Variants in BOP1 observed in about 807,000 individuals in gnomAD.
The protein encoded by BOP1 is ribosome biogenesis protein BOP1.
BOP1 carries 54 observed loss-of-function variants against 82.9 expected under a neutral mutation model. The observed-to-expected ratio is 0.65, with a 90% CI of 0.52 to 0.82. The LOEUF is 0.82. BOP1 is among the 40% of genes least tolerant of loss of function. The pLI is 0.00. For missense variants in BOP1, 1,170 were observed against 1,072.0 expected (o/e 1.09, Z -1.28); for synonymous variants, 566 against 451.1 (o/e 1.25, Z -3.23).
chr8:144,283,059 G>A (rs534014764), intron 2 of BOP1, among the ~76,000 whole-genome samples: 2 of 151,396 alleles, frequency 1.3e-5, no homozygotes, highest in South Asian at 2.1e-4. Context: ...TTACCCGAGC[G>A]TGGTGGCTGG....
chr8:144,277,964 C>T (rs1338817058), intron 2 of BOP1, among the ~76,000 whole-genome samples: 4 of 152,306 alleles, frequency 2.6e-5, no homozygotes, highest in Non-Finnish European at 4.4e-5. Flanking sequence ...ACACAGACAA[C>T]GGAACATGAG....
chr8:144,273,153 G>T (rs1264584743), intron 3 of BOP1, among the ~76,000 whole-genome samples: 1 of 152,168 alleles, frequency 6.6e-6, no homozygotes, highest in African/African-American at 2.4e-5. Context: ...GAGTGCGCGG[G>T]GCCAGGACGC....
intron 2 of BOP1, among the ~76,000 whole-genome samples, chr8:144,284,066 G>A (rs1564603094): frequency 6.6e-6 from 1 of 152,110 alleles, no homozygotes; most frequent in Admixed American, 6.5e-5. Context: ...GCAGTGAGCC[G>A]AGATTGCACC....
intron 3 of BOP1, among the ~76,000 whole-genome samples, chr8:144,274,739 C>T (rs1413139031): frequency 6.6e-6 from 1 of 152,248 alleles, no homozygotes; most frequent in East Asian, 1.9e-4. Context: ...CGGCAGGCGG[C>T]GGTGGCACTG....
rs1845594873 is a variant in BOP1, at chr8:144,277,870, G to A, written c.310-1566C>T. On this transcript the variant is annotated intron_variant, in intron 2 of 15. Coordinates refer to ENST00000569669, the MANE Select transcript of BOP1 (RefSeq NM_015201.5). ...CTGCCTGACCTAGAAGGCCCCTTCA[G>A]ATTTTGGAGGCAGATGCTGTGGGGC... Among the ~76,000 whole-genome samples, 10 of 152,386 alleles carry A rather than the reference G, an allele frequency of 6.6e-5. No individual in the cohort carries two copies. In the South Asian group the frequency reaches 2.1e-3, roughly 32 times the overall value.
Position 144,276,807 on chromosome 8 carries a change from C to T in BOP1, c.310-503G>A, listed in dbSNP as rs1048617165. 5.3e-5 allele frequency among the ~76,000 whole-genome samples: 8 copies of T among 152,288 alleles called. No individual in the cohort carries two copies. The South Asian group carries it at 8.3e-4, about 16-fold the overall frequency. The stretch of plus-strand genomic sequence containing the variant: ...ACTGGGGCCAATGCTCTTGAAGGGG[C>T]GGGGGACACACATTGTCCACCCATC... On this transcript the variant is annotated intron_variant, in intron 2 of 15. Coordinates refer to ENST00000569669, the MANE Select transcript of BOP1 (RefSeq NM_015201.5).
At chr8:144,277,783 G>T (rs145168283) in intron 2 of BOP1, among the ~76,000 whole-genome samples, 1 of 152,258 alleles carries the variant, frequency 6.6e-6, no homozygotes, top group Non-Finnish European at 1.5e-5. Context: ...CAGGCCCAGC[G>T]CCCGAAGGGC....
rs111418604 is a variant in BOP1, at chr8:144,281,046, A to T, written c.310-4742T>A. Among the ~76,000 whole-genome samples, 51 of 48,998 alleles carry T rather than the reference A, an allele frequency of 1.0e-3. 1 individual carries two copies. The highest frequency in any genetic ancestry group is 3.1e-3 in the East Asian group (7 of 2,268). The allele number at this position is 48,998 out of a possible 152,430, so 32.1% of individuals were successfully genotyped here. A position where few individuals can be genotyped will look rare whatever the true frequency, so the allele number is the denominator to read the frequency against. On this transcript the variant is annotated intron_variant, in intron 2 of 15. Transcript: ENST00000569669. ...TTCTCTCACTTTAATACCAGGTCTT[A>T]GGCCTTCTCTCACTTTCATACCAGG...
intron 3 of BOP1, chr8:144,268,181 G>T (rs1845424600): frequency 2.6e-6 from 4 of 1,549,054 alleles, no homozygotes. Flanking sequence ...ACGCTGCTGG[G>T]GGAGGTGGAC....
At chr8:144,268,736 G>C (rs1845439269) in intron 3 of BOP1, among the ~76,000 whole-genome samples, 1 of 152,240 alleles carries the variant, frequency 6.6e-6, no homozygotes, top group Non-Finnish European at 1.5e-5. Flanking sequence ...GAGAGGGTGG[G>C]GGAGGAGCTG....
intron 3 of BOP1, 109 bp from the exon 4 acceptor site, chr8:144,265,180 C>T (rs1483572217): frequency 7.7e-7 from 1 of 1,298,818 alleles, no homozygotes; most frequent in Non-Finnish European, 1.1e-6. Flanking sequence ...CAGGCCCAGC[C>T]TCAAGTGCCC....
At chr8:144,287,337 A>G (rs1814913561) in intron 2 of BOP1, among the ~76,000 whole-genome samples, 1 of 152,190 alleles carries the variant, frequency 6.6e-6, no homozygotes, top group Admixed American at 6.5e-5. Flanking sequence ...AATCATTAAC[A>G]TGTAAATGTG....
At chr8:144,266,366 G>A (rs1443518759) in intron 3 of BOP1, among the ~76,000 whole-genome samples, 1 of 150,824 alleles carries the variant, frequency 6.6e-6, no homozygotes, top group Non-Finnish European at 1.5e-5. Flanking sequence ...GGCGCTGCTC[G>A]AGGAGCCTCC....
At chr8:144,272,332 C>G (rs1845504785) in intron 3 of BOP1, among the ~76,000 whole-genome samples, 1 of 152,158 alleles carries the variant, frequency 6.6e-6, no homozygotes, top group African/African-American at 2.4e-5. Flanking sequence ...ACTTTTCCCC[C>G]AGTCCTGATC....
chr8:144,279,112 C>T (rs1554838649), intron 2 of BOP1, among the ~76,000 whole-genome samples: 1 of 42,052 alleles, frequency 2.4e-5, no homozygotes, highest in Non-Finnish European at 5.0e-5. Flanking sequence ...TCACGGGCCA[C>T]GACCGCCATG....
intron 2 of BOP1, among the ~76,000 whole-genome samples, chr8:144,278,159 G>A (rs192781282): frequency 5.4e-3 from 818 of 152,346 alleles, no homozygotes; most frequent in African/African-American, 0.014. Flanking sequence ...GAGAGTGGGC[G>A]GGCGAGCGCC....
intron 1 of BOP1, 39 bp from the exon 2 acceptor site, chr8:144,289,343 A>T (rs1554839855): frequency 6.3e-7 from 1 of 1,596,198 alleles, no homozygotes; most frequent in South Asian, 1.1e-5. Flanking sequence ...CTGCCCCTCC[A>T]GGCATGGGGC....
At position 144,265,072 on chromosome 8, in the gene BOP1, C is replaced by T. The variant is rs1297373281; in HGVS notation, c.391-1G>A. On this transcript the variant is annotated splice_acceptor_variant, in intron 3 of 15. Transcript: ENST00000569669. LOFTEE classifies it high-confidence loss of function. ...CGTTGCCCACCGTGTTCCGGATGTC[C>T]TGCAGCCGGGGGCCACCATGTCGGC... 6.2e-7 allele frequency: 1 copy of T among 1,607,664 alleles called. No homozygotes were observed. Among genetic ancestry groups the T allele is most frequent in the Non-Finnish European group, 8.5e-7 (1 of 1,177,008 alleles).
rs543479022 is a variant in BOP1 at position 144,290,363 on chromosome 8, A to G, written c.99+909T>C. ...CAAAAAAAAAAAAAAGAAAAAAGAA[A>G]GAAAAGGAAAAGAAAAGAAAAAGGA... On this transcript the variant is annotated intron_variant, in intron 1 of 15. Transcript: ENST00000569669. 8.5e-5 allele frequency among the ~76,000 whole-genome samples: 13 copies of G among 152,154 alleles called. 1 individual carries two copies. The East Asian group carries it at 2.5e-3, about 29-fold the overall frequency.
Sources: allele counts gnomAD v4.1 joint callset (sites outside exome capture counted in the v4.1 genomes callset), GRCh38; gene constraint gnomAD v4.1.1; transcripts MANE v1.5; gene names NCBI Gene and HGNC (gene_info 2026-07-23, HGNC 2026-07-21).